The following STPG2 variants were observed in gnomAD, a reference collection of about 807,000 sequenced individuals.
The protein encoded by STPG2 is sperm tail PG-rich repeat containing 2.
A neutral mutation model predicts 54.2 loss-of-function variants in STPG2; 56 were observed. The ratio of observed to expected loss-of-function variants is 1.03; its 90% CI spans 0.83 to 1.29. The LOEUF is 1.29. STPG2 is among the 50% of genes most tolerant of loss of function. The pLI is 0.00. For missense variants in STPG2, 596 were observed against 544.9 expected (o/e 1.09, Z -0.93); for synonymous variants, 200 against 181.8 (o/e 1.10, Z -0.81).
intron 4 of STPG2, among the ~76,000 whole-genome samples, chr4:97,486,698 GAA>G (rs979927395): frequency 6.6e-6 from 1 of 151,456 alleles, no homozygotes; most frequent in African/African-American, 2.4e-5. Context: ...GTCATTACAT[GAA>G]AAAGATACTT....
intron 8 of STPG2, among the ~76,000 whole-genome samples, chr4:97,880,929 T>C (rs1275211442): frequency 2.0e-5 from 3 of 152,120 alleles, no homozygotes; most frequent in Non-Finnish European, 2.9e-5. Context: ...TCTTTGTTAT[T>C]GCTGCTATTC....
At chr4:98,052,108 A>G (rs1737343689) in intron 5 of STPG2, among the ~76,000 whole-genome samples, 1 of 152,006 alleles carries the variant, frequency 6.6e-6, no homozygotes, top group African/African-American at 2.4e-5. Context: ...AAAAAAAGAA[A>G]CAAATTCACA....
intron 5 of STPG2, among the ~76,000 whole-genome samples, chr4:98,058,523 T>C (rs1737550271): frequency 6.6e-6 from 1 of 152,188 alleles, no homozygotes; most frequent in African/African-American, 2.4e-5. Flanking sequence ...ATCCTATATA[T>C]ACAGGTACCC....
chr4:97,598,751 C>T (rs968651791), intron 10 of STPG2, among the ~76,000 whole-genome samples: 2 of 152,082 alleles, frequency 1.3e-5, no homozygotes, highest in African/African-American at 2.4e-5. Context: ...CCCTTCCTTA[C>T]ACCATATAGA....
chr4:97,712,699 C>T lies in STPG2; in HGVS notation c.1320G>A (p.Glu440=), dbSNP rs1443131598. 5.1e-6 allele frequency: 8 copies of T among 1,563,908 alleles called. No homozygotes were observed. The highest frequency in any genetic ancestry group is 2.7e-5 in the African/African-American group (2 of 73,052). ...TGTTAAGAAGGAAATATTGACAAAC[C>T]TCATATGTTGCTGGGCCTGGAGTAA... ...KEITPGPATY[E]ISQEKKKGNL... is the part of the protein sequence containing the mutation. Residue 440 remains glutamate, a splice_region_variant and synonymous_variant, in exon 10 of 11, where the codon GAG becomes GAA. Coordinates refer to ENST00000295268, the MANE Select transcript of STPG2 (RefSeq NM_174952.3).
intron 8 of STPG2, among the ~76,000 whole-genome samples, chr4:97,919,322 T>A (rs1377910794): frequency 6.7e-6 from 1 of 150,172 alleles, no homozygotes; most frequent in Non-Finnish European, 1.5e-5. Flanking sequence ...TCACAAGAAA[T>A]GCAAAAGAAA....
intron 9 of STPG2, among the ~76,000 whole-genome samples, chr4:97,782,090 G>C (rs1171173913): frequency 6.6e-6 from 1 of 152,130 alleles, no homozygotes; most frequent in East Asian, 1.9e-4. Flanking sequence ...AGGGCAATCA[G>C]GCAGGAGAAA....
intron 9 of STPG2, among the ~76,000 whole-genome samples, chr4:97,779,945 A>C (rs1301140871): frequency 6.6e-6 from 1 of 151,920 alleles, no homozygotes; most frequent in African/African-American, 2.4e-5. Flanking sequence ...TAAACATGGA[A>C]AGGAACAACC....
intron 10 of STPG2, among the ~76,000 whole-genome samples, chr4:97,620,352 T>C (rs1259870251): frequency 1.3e-5 from 2 of 152,236 alleles, no homozygotes; most frequent in Non-Finnish European, 2.9e-5. Flanking sequence ...TCTATAATTA[T>C]GTAGTGCTTT....
At chr4:97,843,258 C>T (rs990209939) in intron 8 of STPG2, among the ~76,000 whole-genome samples, 4 of 151,356 alleles carry the variant, frequency 2.6e-5, no homozygotes, top group African/African-American at 9.7e-5. Flanking sequence ...TGGGAAATTC[C>T]ACATTATACA....
intron 4 of STPG2, among the ~76,000 whole-genome samples, chr4:97,484,753 C>CA (rs1358169313): frequency 6.6e-6 from 1 of 151,386 alleles, no homozygotes; most frequent in African/African-American, 2.4e-5. Context: ...AAGGATATAA[C>CA]AAAAAAAGAA....
intron 4 of STPG2, among the ~76,000 whole-genome samples, chr4:97,512,419 A>G (rs187134625): frequency 1.3e-5 from 2 of 152,076 alleles, no homozygotes; most frequent in South Asian, 2.1e-4. Flanking sequence ...CCCTGACTGT[A>G]AATGTTTAGC....
chr4:97,855,355 C>T (rs1391257626), intron 8 of STPG2, among the ~76,000 whole-genome samples: 1 of 151,878 alleles, frequency 6.6e-6, no homozygotes, highest in African/African-American at 2.4e-5. Flanking sequence ...AATAGTTGAA[C>T]TAATTTATAC....
At chr4:97,908,701 A>T (rs370605744) in intron 8 of STPG2, among the ~76,000 whole-genome samples, 17 of 151,624 alleles carry the variant, frequency 1.1e-4, no homozygotes, top group Non-Finnish European at 1.9e-4. Flanking sequence ...AATGATGAGT[A>T]CATGTCCTTT....
At chr4:98,051,070 T>C (rs1737306256) in intron 5 of STPG2, among the ~76,000 whole-genome samples, 1 of 151,708 alleles carries the variant, frequency 6.6e-6, no homozygotes, top group Non-Finnish European at 1.5e-5. Context: ...GAATTCTCTG[T>C]CTTCACTCCC....
intron 10 of STPG2, among the ~76,000 whole-genome samples, chr4:97,575,817 G>A (rs1413500051): frequency 6.6e-6 from 1 of 152,108 alleles, no homozygotes; most frequent in Non-Finnish European, 1.5e-5. Context: ...AAAAGAAGAT[G>A]TCAAATTATC....
At chr4:97,565,178 T>A (rs1188255058) in intron 10 of STPG2, among the ~76,000 whole-genome samples, 1 of 152,198 alleles carries the variant, frequency 6.6e-6, no homozygotes, top group African/African-American at 2.4e-5. Context: ...CTTCATTTCA[T>A]TCATTTCATC....
chr4:97,901,645 C>G (rs973384379), intron 8 of STPG2, among the ~76,000 whole-genome samples: 2 of 151,602 alleles, frequency 1.3e-5, no homozygotes, highest in African/African-American at 4.8e-5. Context: ...ATGCTGAAAA[C>G]TATAAAATAT....
At chr4:97,550,088 C>A (rs1731930981) in intron 4 of STPG2, among the ~76,000 whole-genome samples, 1 of 152,070 alleles carries the variant, frequency 6.6e-6, no homozygotes, top group Non-Finnish European at 1.5e-5. Context: ...TAAACTAGCA[C>A]TTCATAGTTC....
Sources: allele counts gnomAD v4.1 joint callset (sites outside exome capture counted in the v4.1 genomes callset), GRCh38; gene constraint gnomAD v4.1.1; transcripts MANE v1.5; gene names NCBI Gene and HGNC (gene_info 2026-07-23, HGNC 2026-07-21).